Variants in HOXB9 observed in about 807,000 individuals in gnomAD.
The protein encoded by HOXB9 is homeobox protein Hox-B9.
Under a neutral mutation model 21.5 loss-of-function variants are expected in HOXB9, and 10 were observed. The ratio of observed to expected loss-of-function variants is 0.47; its 90% CI spans 0.29 to 0.79. The LOEUF is 0.79. Ranked by LOEUF, HOXB9 falls within the 30% of genes least tolerant of loss-of-function variation. The pLI is 0.10. For missense variants in HOXB9, 375 were observed against 338.7 expected (o/e 1.11, Z -0.84); for synonymous variants, 156 against 151.2 (o/e 1.03, Z -0.23).
chr17:48,622,110 A>T lies in HOXB9; in HGVS notation c.*790T>A, dbSNP rs975829331. ...GGAATTAAACATTTCCTGCAACAAA[A>T]TGTATATGTTGGTGGGAGGTGGGGA... On this transcript the variant is annotated 3_prime_UTR_variant, in exon 2 of 2. Transcript: ENST00000311177. 8 of 152,292 alleles carry T rather than the reference A, an allele frequency of 5.3e-5. No homozygotes were observed. The highest frequency in any genetic ancestry group is 1.0e-4 in the Non-Finnish European group (7 of 68,038). 9.4% of individuals were successfully genotyped at this position (152,292 alleles called of 1,614,324 possible). A position where few individuals can be genotyped will look rare whatever the true frequency, so the allele number is the denominator to read the frequency against.
chr17:48,623,735 C>T (rs78057888), intron 1 of HOXB9, among the ~76,000 whole-genome samples: 2,077 of 152,288 alleles, frequency 0.014, 43 homozygotes, highest in African/African-American at 0.044. Context: ...CCACCACACA[C>T]CACGAATATG....
chr17:48,625,611 CT>C, intron 1 of HOXB9, 141 bp downstream of exon 1: 1 of 971,734 alleles, frequency 1.0e-6, no homozygotes. Context: ...TCCGTCTTTC[CT>C]TCCTCTCCCC....
chr17:48,624,353 T>C (rs1427253725), intron 1 of HOXB9, among the ~76,000 whole-genome samples: 1 of 152,142 alleles, frequency 6.6e-6, no homozygotes, highest in Non-Finnish European at 1.5e-5. Flanking sequence ...GGGAAAAAAC[T>C]GTTAATAATT....
At chr17:48,623,817 A>G (rs1432417084) in intron 1 of HOXB9, among the ~76,000 whole-genome samples, 2 of 151,924 alleles carry the variant, frequency 1.3e-5, no homozygotes, top group African/African-American at 4.8e-5. Flanking sequence ...CCATTTATCA[A>G]CTCCAGCTTA....
chr17:48,626,162 C>T lies in HOXB9; in HGVS notation c.108G>A (p.Ser36=), dbSNP rs766425995. Residue 36 remains serine, a synonymous_variant, in exon 1 of 2, where the codon TCG becomes TCA. Transcript: ENST00000311177. Reference sequence around the variant, plus strand: ...GGTGCTCCGCGTGGCCCGGCTGCCGCGAGCTCGCGTACTGGCCAGAAGGAA... The same window carrying T: ...GGTGCTCCGCGTGGCCCGGCTGCCGTGAGCTCGCGTACTGGCCAGAAGGAA... ...AKFPSGQYAS[S]RQPGHAEHLE... is the part of the protein sequence containing the mutation. 6.3e-7 allele frequency: 1 copy of T among 1,597,568 alleles called. No homozygotes were observed. The highest frequency in any genetic ancestry group is 8.5e-7 in the Non-Finnish European group (1 of 1,178,718).
rs2145008876 is a variant in HOXB9 at position 48,622,745 on chromosome 17, G to A, written c.*155C>T. 2 of 607,822 alleles carry A rather than the reference G, an allele frequency of 3.3e-6. No individual in the cohort carries two copies. Among genetic ancestry groups the A allele is most frequent in the East Asian group, 5.5e-5 (2 of 36,178 alleles). 37.7% of individuals were successfully genotyped at this position (607,822 alleles called of 1,614,324 possible). ...GAGAGACAGGTAAGGGCAAAGGAAA[G>A]GAGGGAGGTTCTAGGTGCAGATAAA... On this transcript the variant is annotated 3_prime_UTR_variant, in exon 2 of 2. Coordinates refer to ENST00000311177, the MANE Select transcript of HOXB9 (RefSeq NM_024017.5).
rs920264475 is a variant in HOXB9 at position 48,626,166 on chromosome 17, C to G, written c.104G>C (p.Ser35Thr). 8.8e-6 allele frequency: 14 copies of G among 1,598,100 alleles called. No homozygotes were observed. The highest frequency in any genetic ancestry group is 1.0e-5 in the Non-Finnish European group (12 of 1,179,030). Reference protein sequence around the residue: ...PAKFPSGQYASSRQPGHAEHL... With the variant: ...PAKFPSGQYATSRQPGHAEHL... ...CTCCGCGTGGCCCGGCTGCCGCGAG[C>G]TCGCGTACTGGCCAGAAGGAAACTT... Residue 35 changes from serine (S) to threonine (T), a missense_variant, in exon 1 of 2, where the codon AGC (serine) becomes ACC (threonine). By Grantham distance (58) the Ser-to-Thr change is moderately conservative. Transcript: ENST00000311177.
chr17:48,626,289 G>A lies in HOXB9; in HGVS notation c.-20C>T. ...GGACATTCTCAGACATTATCCGGGCGCTTGCAGGGGGAAGGGAAGCGCTCG... is the reference window on the plus strand; with the variant it reads ...GGACATTCTCAGACATTATCCGGGCACTTGCAGGGGGAAGGGAAGCGCTCG... On this transcript the variant is annotated 5_prime_UTR_variant, in exon 1 of 2. Transcript: ENST00000311177. The A allele has an allele frequency of 6.4e-7, 1 of 1,566,980 alleles. No homozygotes were observed. Among genetic ancestry groups the A allele is most frequent in the Non-Finnish European group, 8.6e-7 (1 of 1,159,930 alleles).
Position 48,626,150 on chromosome 17 carries a change from G to A in HOXB9, c.120C>T (p.Gly40=), listed in dbSNP as rs773416265. The change falls in exon 1 of 2, where the codon GGC becomes GGT. Residue 40 remains glycine, a synonymous_variant. Transcript: ENST00000311177. ...AGGGGAACTCCAGGTGCTCCGCGTG[G>A]CCCGGCTGCCGCGAGCTCGCGTACT... ...SGQYASSRQP[G]HAEHLEFPSC... is the part of the protein sequence containing the mutation. 4 of 1,595,424 alleles carry A rather than the reference G, an allele frequency of 2.5e-6. No individual in the cohort carries two copies. The highest frequency in any genetic ancestry group is 3.4e-6 in the Non-Finnish European group (4 of 1,177,746).
Position 48,625,756 on chromosome 17 carries a change from G to T in HOXB9, c.514C>A (p.Gln172Lys), listed in dbSNP as rs914359802. The change falls in exon 1 of 2, where the codon CAA becomes AAA. Residue 172 changes from glutamine to lysine, a missense_variant. Gln to Lys is a moderately conservative substitution (Grantham distance 53). Coordinates refer to ENST00000311177, the MANE Select transcript of HOXB9 (RefSeq NM_024017.5). ...EGSEDKERPD[Q>K]TNPSANWLHA... Reference sequence around the variant, plus strand: ...TTCCTCACTTTTTATAACTTACTTTGATCCGGCCTCTCTTTGTCCTCGCTT... The same window carrying T: ...TTCCTCACTTTTTATAACTTACTTTTATCCGGCCTCTCTTTGTCCTCGCTT... The T allele has an allele frequency of 5.7e-6, 9 of 1,574,290 alleles. No individual in the cohort carries two copies. In the African/African-American group the frequency reaches 8.3e-5, roughly 15 times the overall value.
chr17:48,625,601 TC>T, intron 1 of HOXB9, 151 bp downstream of exon 1: 1 of 952,346 alleles, frequency 1.1e-6, no homozygotes, highest in Non-Finnish European at 1.5e-6. Context: ...TCCCCTTCCC[TC>T]CGTCTTTCCT....
chr17:48,626,124 G>T lies in HOXB9; in HGVS notation c.146C>A (p.Ser49Ter). The T allele has an allele frequency of 1.9e-6, 3 of 1,588,076 alleles. No homozygotes were observed. The highest frequency in any genetic ancestry group is 2.6e-6 in the Non-Finnish European group (3 of 1,173,850). ...CGGCGCTTTGGGCTGGAAGCTGCAC[G>T]AGGGGAACTCCAGGTGCTCCGCGTG... The part of the protein sequence containing the change: ...PGHAEHLEFP[S>*]CSFQPKAPVF... The change falls in exon 1 of 2, where the codon TCG (serine) becomes TAG (stop). Residue 49 changes from serine to a stop codon, truncating the protein, a stop_gained. Transcript: ENST00000311177. LOFTEE classifies it high-confidence loss of function.
chr17:48,624,551 T>TGG (rs1233107842), intron 1 of HOXB9, among the ~76,000 whole-genome samples: 2 of 152,064 alleles, frequency 1.3e-5, no homozygotes, highest in Non-Finnish European at 2.9e-5. Flanking sequence ...GGGCTGCTCT[T>TGG]TACTCTCCAG....
chr17:48,623,234 G>C (rs1424561079), intron 1 of HOXB9, 99 bp from the exon 2 acceptor site: 30 of 910,574 alleles, frequency 3.3e-5, no homozygotes, highest in Non-Finnish European at 4.9e-5. Flanking sequence ...TCTTGCACTG[G>C]AGAAGAGGCC....
intron 1 of HOXB9, among the ~76,000 whole-genome samples, chr17:48,625,102 G>A (rs900200388): frequency 6.6e-6 from 1 of 152,264 alleles, no homozygotes; most frequent in African/African-American, 2.4e-5. Context: ...TCCCGGGGAG[G>A]GGCCGGCGCA....
chr17:48,625,606 C>G, intron 1 of HOXB9, 147 bp downstream of exon 1: 36 of 947,628 alleles, frequency 3.8e-5, no homozygotes, highest in Non-Finnish European at 5.1e-5. Flanking sequence ...TTCCCTCCGT[C>G]TTTCCTTCCT....
At position 48,621,451 on chromosome 17, in the gene HOXB9, G is replaced by A. The variant is rs1013860381; in HGVS notation, c.*1449C>T. On this transcript the variant is annotated 3_prime_UTR_variant, in exon 2 of 2. Transcript: ENST00000311177. ...GGGACTGAGAAGTAGGGGAGCAGGG[G>A]GAGGAACGGAAGCAGAGAGTAAGCT... The A allele has an allele frequency of 1.3e-5, 2 of 152,602 alleles. No individual in the cohort carries two copies. The highest frequency in any genetic ancestry group is 2.1e-4 in the South Asian group (1 of 4,830). 9.5% of individuals were successfully genotyped at this position (152,602 alleles called of 1,614,324 possible). A position where few individuals can be genotyped will look rare whatever the true frequency, so the allele number is the denominator to read the frequency against.
At chr17:48,624,103 C>T (rs2070792791) in intron 1 of HOXB9, among the ~76,000 whole-genome samples, 1 of 152,138 alleles carries the variant, frequency 6.6e-6, no homozygotes, top group African/African-American at 2.4e-5. Flanking sequence ...ACAGGCTTCT[C>T]TTCTTACCTT....
chr17:48,623,030 A>C lies in HOXB9; in HGVS notation c.623T>G (p.Met208Arg), dbSNP rs758939212. The C allele has an allele frequency of 6.2e-7, 1 of 1,614,216 alleles. No individual in the cohort carries two copies. Among genetic ancestry groups the C allele is most frequent in the South Asian group, 1.1e-5 (1 of 91,086 alleles). ...LELEKEFLFN[M>R]YLTRDRRHEV... The stretch of plus-strand genomic sequence containing the variant: ...GTGCCTACGGTCCCTGGTGAGGTAC[A>C]TATTGAACAGAAACTCCTTCTCTAG... The change falls in exon 2 of 2, where the codon ATG (methionine) becomes AGG (arginine). Residue 208 changes from methionine to arginine, a missense_variant. Physicochemically the swap from Met to Arg is moderately conservative, Grantham distance 91. Coordinates refer to ENST00000311177, the MANE Select transcript of HOXB9 (RefSeq NM_024017.5).
Sources: gnomAD v4.1 joint callset for allele counts (sites outside exome capture counted in the v4.1 genomes callset) on GRCh38, gnomAD v4.1.1 for gene constraint, MANE v1.5 for transcripts, NCBI Gene and HGNC (gene_info 2026-07-23, HGNC 2026-07-21) for gene names.